The following FAM78B variants were observed in gnomAD, a reference collection of about 807,000 sequenced individuals.
FAM78B encodes protein FAM78B.
Under a neutral mutation model 20.0 loss-of-function variants are expected in FAM78B, and 10 were observed. The observed-to-expected ratio is 0.50, with a 90% CI of 0.31 to 0.85. The LOEUF is 0.85. Ranked by LOEUF, FAM78B falls within the 40% of genes least tolerant of loss-of-function variation. The pLI is 0.05. For missense variants in FAM78B, 283 were observed against 345.0 expected (o/e 0.82, Z 1.42); for synonymous variants, 135 against 132.8 (o/e 1.02, Z -0.12).
intron 1 of FAM78B, among the ~76,000 whole-genome samples, chr1:166,162,504 A>G (rs1169597564): frequency 1.3e-5 from 2 of 152,206 alleles, no homozygotes; most frequent in African/African-American, 2.4e-5. Context: ...CCTTGTCTTC[A>G]TCTCATTCAA....
intron 1 of FAM78B, among the ~76,000 whole-genome samples, chr1:166,113,579 G>A (rs1405247236): frequency 6.6e-6 from 1 of 152,348 alleles, no homozygotes; most frequent in Non-Finnish European, 1.5e-5. Flanking sequence ...AGTGGGATGT[G>A]TATGTGGCAT....
At chr1:166,109,857 T>C (rs1297798198) in intron 1 of FAM78B, among the ~76,000 whole-genome samples, 1 of 20,972 alleles carries the variant, frequency 4.8e-5, no homozygotes, top group South Asian at 2.5e-3. Context: ...TATATATATA[T>C]ATATGTATGT....
At chr1:166,119,264 G>C (rs1654377155) in intron 1 of FAM78B, among the ~76,000 whole-genome samples, 1 of 152,150 alleles carries the variant, frequency 6.6e-6, no homozygotes, top group African/African-American at 2.4e-5. Context: ...ATTACTCCAA[G>C]CAGCCCTGTT....
chr1:166,155,747 TG>T (rs879717426), intron 1 of FAM78B, among the ~76,000 whole-genome samples: 31 of 152,106 alleles, frequency 2.0e-4, no homozygotes, highest in Non-Finnish European at 4.1e-4. Context: ...AGCTCAGGTG[TG>T]GGGACTGCCA....
chr1:166,159,494 C>A (rs1259710754), intron 1 of FAM78B, among the ~76,000 whole-genome samples: 2 of 152,138 alleles, frequency 1.3e-5, no homozygotes, highest in East Asian at 1.9e-4. Context: ...GGACTGCACA[C>A]CCCACACCAG....
At chr1:166,125,785 A>G (rs900844359) in intron 1 of FAM78B, among the ~76,000 whole-genome samples, 1 of 151,622 alleles carries the variant, frequency 6.6e-6, no homozygotes, top group Non-Finnish European at 1.5e-5. Flanking sequence ...TAATTGCAAC[A>G]TTATATTGCA....
exon 3 of FAM78B, chr1:166,057,549 A>G (rs1216894615): frequency 6.6e-6 from 1 of 152,244 alleles, no homozygotes; most frequent in African/African-American, 2.4e-5. Context: ...TCCTAATTAA[A>G]GTCATTTTTA....
chr1:166,140,725 G>A (rs1368230940), intron 1 of FAM78B, among the ~76,000 whole-genome samples: 2 of 152,152 alleles, frequency 1.3e-5, no homozygotes, highest in East Asian at 3.9e-4. Flanking sequence ...AACACTTGAG[G>A]CAAAATACAA....
intron 1 of FAM78B, among the ~76,000 whole-genome samples, chr1:166,075,744 G>T (rs749481582): frequency 1.2e-4 from 18 of 152,110 alleles, no homozygotes; most frequent in Non-Finnish European, 1.6e-4. Flanking sequence ...TTAGGCTTTG[G>T]TCTTCTTCTC....
intron 1 of FAM78B, among the ~76,000 whole-genome samples, chr1:166,075,540 T>C (rs753128756): frequency 8.5e-5 from 13 of 152,226 alleles, no homozygotes; most frequent in Non-Finnish European, 1.5e-4. Context: ...AGTACCTGAC[T>C]GCTGCATTAG....
At position 166,073,536 on chromosome 1, in the gene FAM78B, C is replaced by CTT. The variant is rs201582992; in HGVS notation, c.264-2775_264-2774dup. 2.5e-3 allele frequency among the ~76,000 whole-genome samples: 344 copies of CTT among 135,790 alleles called. 1 individual carries two copies. Among genetic ancestry groups the CTT allele is most frequent in the South Asian group, 8.8e-3 (38 of 4,342 alleles). The allele number at this position is 135,790 out of a possible 152,430, so 89.1% of individuals were successfully genotyped here. ...TCGCTCCCTTCCTTTCTCTTTCTCTCTTTTTTTTTTTTTTTCCAAAAGGAG... is the reference window on the plus strand; with the variant it reads ...TCGCTCCCTTCCTTTCTCTTTCTCTCTTTTTTTTTTTTTTTTTCCAAAAGGAG... On this transcript the variant is annotated intron_variant, in intron 1 of 1. Coordinates refer to ENST00000354422, the MANE Select transcript of FAM78B (RefSeq NM_001017961.5).
At chr1:166,102,257 C>G (rs1425862545) in intron 1 of FAM78B, among the ~76,000 whole-genome samples, 1 of 152,186 alleles carries the variant, frequency 6.6e-6, no homozygotes, top group East Asian at 1.9e-4. Flanking sequence ...CAAAAACATG[C>G]CAAATTGTAA....
rs1655927029 is a variant in FAM78B at position 166,157,030 on chromosome 1, CGGCGGAGGGG to C, written c.263+8946_263+8955del. 1.5e-4 allele frequency among the ~76,000 whole-genome samples: 2 copies of C among 12,932 alleles called. 1 individual carries two copies. Among genetic ancestry groups the C allele is most frequent in the African/African-American group, 2.9e-4 (2 of 6,828 alleles). 8.5% of individuals were successfully genotyped at this position (12,932 alleles called of 152,430 possible). A position where few individuals can be genotyped will look rare whatever the true frequency, so the allele number is the denominator to read the frequency against. ...TCTGAGTGACATGACGTCAAGGGGG[CGGCGGAGGGG>C]GGGGGGGGGCTCCAATGCCTTCCTC... On this transcript the variant is annotated intron_variant, in intron 1 of 1. Coordinates refer to ENST00000354422, the MANE Select transcript of FAM78B (RefSeq NM_001017961.5).
In FAM78B at chr1:166,166,130, A is replaced by C. The variant is rs769561034; in HGVS notation, c.119T>G (p.Ile40Ser). 1 of 1,610,156 alleles carries C rather than the reference A, an allele frequency of 6.2e-7. No homozygotes were observed. Among genetic ancestry groups the C allele is most frequent in the Non-Finnish European group, 8.5e-7 (1 of 1,178,180 alleles). ...GTAGGGGGTCTTGTAGCGCAGGACG[A>C]TGGGCGAGGTCTCCTCGATGCGCGT... is the stretch of plus-strand genomic sequence containing the variant. ...CPTRIEETSPIVLRYKTPYFK... is the reference protein window; with the variant it reads ...CPTRIEETSPSVLRYKTPYFK... Residue 40 changes from isoleucine (I) to serine (S), a missense_variant, in exon 1 of 2, where the codon ATC becomes AGC. Physicochemically the swap from Ile to Ser is moderately radical, Grantham distance 142 (BLOSUM62 -2). Coordinates refer to ENST00000354422, the MANE Select transcript of FAM78B (RefSeq NM_001017961.5).
rs574531385 is a variant in FAM78B at position 166,082,264 on chromosome 1, A to T, written c.264-11501T>A. Among the ~76,000 whole-genome samples the T allele has an allele frequency of 3.3e-5, 5 of 152,006 alleles. No individual in the cohort carries two copies. In the South Asian group the frequency reaches 1.0e-3, roughly 32 times the overall value. On this transcript the variant is annotated intron_variant, in intron 1 of 1. Coordinates refer to ENST00000354422, the MANE Select transcript of FAM78B (RefSeq NM_001017961.5). ...GACTTCAGCAACTTCAACTTTTTTC[A>T]CTTTTCAACAAGATAAGCTTCCTCC...
At position 166,069,626 on chromosome 1, in the gene FAM78B, T is replaced by C. The variant is rs907940024; in HGVS notation, c.*615A>G. 2.0e-5 allele frequency: 3 copies of C among 152,244 alleles called. No individual in the cohort carries two copies. The highest frequency in any genetic ancestry group is 4.4e-5 in the Non-Finnish European group (3 of 68,060). 9.4% of individuals were successfully genotyped at this position (152,244 alleles called of 1,614,324 possible). A position where few individuals can be genotyped will look rare whatever the true frequency, so the allele number is the denominator to read the frequency against. On this transcript the variant is annotated 3_prime_UTR_variant, in exon 2 of 2. Transcript: ENST00000354422. ...ACCTTGGACAGTTCCAAGGAGGCTT[T>C]CTCCCTCAGAAAGGAGCAAATATCA...
At chr1:166,057,910 C>T (rs1242508657) in exon 3 of FAM78B, 1 of 151,692 alleles carries the variant, frequency 6.6e-6, no homozygotes, top group Middle Eastern at 3.2e-3. Flanking sequence ...CTACGTTTCC[C>T]AGCGAGATCT....
chr1:166,111,012 G>A (rs1654031209), intron 1 of FAM78B, among the ~76,000 whole-genome samples: 1 of 152,156 alleles, frequency 6.6e-6, no homozygotes. Context: ...TGAATAAAAT[G>A]ACCAATATGA....
At chr1:166,125,545 T>C (rs538314025) in intron 1 of FAM78B, among the ~76,000 whole-genome samples, 1 of 152,324 alleles carries the variant, frequency 6.6e-6, no homozygotes, top group South Asian at 2.1e-4. Flanking sequence ...GAGTCCTTCC[T>C]ATGGGTCAGG....
Sources: gnomAD v4.1 joint callset for allele counts (sites outside exome capture counted in the v4.1 genomes callset) on GRCh38, gnomAD v4.1.1 for gene constraint, MANE v1.5 for transcripts, NCBI Gene and HGNC (gene_info 2026-07-23, HGNC 2026-07-21) for gene names.